Variants in PLD5 observed in about 807,000 individuals in gnomAD.
PLD5 encodes inactive phospholipase D5.
Under a neutral mutation model 61.1 loss-of-function variants are expected in PLD5, and 36 were observed. That is an observed-to-expected ratio of 0.59 (90% CI 0.45 to 0.78). PLD5 has a LOEUF of 0.78. PLD5 is among the 30% of genes least tolerant of loss of function. The probability of loss-of-function intolerance (pLI) is 0.00; values close to 1 mark genes in which losing one functional copy is unlikely to be tolerated. For missense variants in PLD5, 515 were observed against 644.4 expected (o/e 0.80, Z 2.17); for synonymous variants, 243 against 242.8 (o/e 1.00, Z -0.01).
At chr1:242,212,592 C>CA (rs1283658588) in intron 5 of PLD5, among the ~76,000 whole-genome samples, 2 of 152,110 alleles carry the variant, frequency 1.3e-5, no homozygotes, top group Admixed American at 1.3e-4. Flanking sequence ...GTTTGTGCAG[C>CA]AGGCAGCAGC....
intron 5 of PLD5, among the ~76,000 whole-genome samples, chr1:242,207,830 A>T (rs1237836143): frequency 1.6e-5 from 1 of 60,848 alleles, no homozygotes; most frequent in Non-Finnish European, 2.8e-5. Context: ...ATATTTATAT[A>T]TATTTATATA....
intron 3 of PLD5, among the ~76,000 whole-genome samples, chr1:242,274,705 G>C (rs1674314843): frequency 1.3e-5 from 2 of 151,908 alleles, no homozygotes. Flanking sequence ...AGTGAGCTGA[G>C]ATCGCGCCAC....
At chr1:242,288,655 T>C in intron 2 of PLD5, 125 bp from the exon 3 acceptor site, 1 of 1,422,902 alleles carries the variant, frequency 7.0e-7, no homozygotes, top group Non-Finnish European at 9.2e-7. Flanking sequence ...CATTCTCTCC[T>C]CATAATTTAC....
chr1:242,287,115 T>C (rs1454709490), intron 3 of PLD5, among the ~76,000 whole-genome samples: 3 of 152,216 alleles, frequency 2.0e-5, no homozygotes, highest in East Asian at 1.9e-4. Flanking sequence ...CCAACCACCA[T>C]GTAAAGAGCT....
intron 1 of PLD5, among the ~76,000 whole-genome samples, chr1:242,512,139 C>G (rs147059939): frequency 2.0e-5 from 3 of 151,474 alleles, no homozygotes; most frequent in East Asian, 1.9e-4. Flanking sequence ...TGGTTGGGTG[C>G]GGTGGTTCAC....
intron 2 of PLD5, among the ~76,000 whole-genome samples, chr1:242,289,258 T>TC (rs1340685622): frequency 1.3e-5 from 2 of 152,248 alleles, no homozygotes; most frequent in East Asian, 1.9e-4. Flanking sequence ...TGCCTTTTTT[T>TC]CACTTCTGAA....
At chr1:242,440,174 A>T (rs569387857) in intron 1 of PLD5, among the ~76,000 whole-genome samples, 35 of 152,302 alleles carry the variant, frequency 2.3e-4, no homozygotes, top group Middle Eastern at 6.8e-3. Flanking sequence ...ACTTGAAACA[A>T]TCCTTAATAA....
intron 1 of PLD5, among the ~76,000 whole-genome samples, chr1:242,418,613 G>C (rs1225452493): frequency 2.0e-5 from 3 of 152,150 alleles, no homozygotes; most frequent in Non-Finnish European, 4.4e-5. Context: ...AGTGCTTCTG[G>C]GAAGAGGGGC....
chr1:242,207,906 A>ATATATATTTT lies in PLD5; in HGVS notation c.735+12081_735+12082insAAAATATATA, dbSNP rs1558344505. Among the ~76,000 whole-genome samples the ATATATATTTT allele has an allele frequency of 4.8e-4, 9 of 18,668 alleles. 1 individual carries two copies. The highest frequency in any genetic ancestry group is 7.1e-4 in the Non-Finnish European group (9 of 12,628). The allele number at this position is 18,668 out of a possible 152,430, so 12.2% of individuals were successfully genotyped here. ...TATATTTATATATATTTATATATTT[A>ATATATATTTT]TATATATTTATATATTTATATATAT... On this transcript the variant is annotated intron_variant, in intron 5 of 9. Coordinates refer to ENST00000536534, the MANE Select transcript of PLD5 (RefSeq NM_001372062.1).
At chr1:242,226,470 A>T (rs1210796423) in intron 4 of PLD5, among the ~76,000 whole-genome samples, 1 of 152,268 alleles carries the variant, frequency 6.6e-6, no homozygotes, top group Non-Finnish European at 1.5e-5. Flanking sequence ...CCAAAAAGTG[A>T]TAAATCAAGA....
Position 242,494,311 on chromosome 1 carries a change from G to A in PLD5, c.189+29777C>T, listed in dbSNP as rs368191635. 3.2e-4 allele frequency among the ~76,000 whole-genome samples: 49 copies of A among 152,174 alleles called. No individual in the cohort carries two copies. In the East Asian group the frequency reaches 6.4e-3, roughly 20 times the overall value. On this transcript the variant is annotated intron_variant, in intron 1 of 9. Coordinates refer to ENST00000536534, the MANE Select transcript of PLD5 (RefSeq NM_001372062.1). ...ACCAGGCACACTTAGGCATGTGGCA[G>A]CCCCCATTTAAATGCTCCACAGAGC... is the stretch of plus-strand genomic sequence containing the variant.
intron 5 of PLD5, among the ~76,000 whole-genome samples, chr1:242,199,865 A>G (rs1315956524): frequency 6.6e-6 from 1 of 152,140 alleles, no homozygotes; most frequent in African/African-American, 2.4e-5. Context: ...TTTTTCACAG[A>G]TGAATAGTAT....
chr1:242,408,182 G>A (rs954810784), intron 1 of PLD5, among the ~76,000 whole-genome samples: 1 of 152,192 alleles, frequency 6.6e-6, no homozygotes, highest in Non-Finnish European at 1.5e-5. Context: ...GGAATAATGT[G>A]CCTTGATGAA....
intron 1 of PLD5, among the ~76,000 whole-genome samples, chr1:242,442,768 T>C (rs1666336574): frequency 6.6e-6 from 1 of 152,172 alleles, no homozygotes; most frequent in Admixed American, 6.5e-5. Context: ...CCTAAACTAG[T>C]AAAGTCAATT....
chr1:242,525,801 A>T (rs979642759), upstream of PLD5, among the ~76,000 whole-genome samples: 5 of 152,176 alleles, frequency 3.3e-5, no homozygotes, highest in African/African-American at 1.2e-4. Context: ...GAGGACAGGG[A>T]TTGTGTTTCA....
intron 8 of PLD5, among the ~76,000 whole-genome samples, chr1:242,103,722 T>G (rs994301688): frequency 2.0e-5 from 3 of 152,222 alleles, no homozygotes; most frequent in Non-Finnish European, 4.4e-5. Flanking sequence ...TTCATTTATT[T>G]GAAAATCTGG....
intron 5 of PLD5, among the ~76,000 whole-genome samples, chr1:242,154,418 G>A (rs1665182507): frequency 6.6e-6 from 1 of 152,082 alleles, no homozygotes; most frequent in Non-Finnish European, 1.5e-5. Flanking sequence ...CTTGTATTAT[G>A]CCAGTTTTCA....
intron 5 of PLD5, among the ~76,000 whole-genome samples, chr1:242,215,043 AT>A (rs34759131): frequency 0.56 from 66,931 of 120,438 alleles, 17,944 homozygotes; most frequent in Admixed American, 0.65. Context: ...TGCCTGGCCA[AT>A]TTTTTTTTTT....
At chr1:242,219,721 C>T (rs543886133) in intron 5 of PLD5, among the ~76,000 whole-genome samples, 13 of 152,224 alleles carry the variant, frequency 8.5e-5, no homozygotes, top group African/African-American at 3.1e-4. Context: ...ATGTCAATTA[C>T]ATAGCAACCT....
Sources: allele counts gnomAD v4.1 joint callset (sites outside exome capture counted in the v4.1 genomes callset), GRCh38; gene constraint gnomAD v4.1.1; transcripts MANE v1.5; gene names NCBI Gene and HGNC (gene_info 2026-07-23, HGNC 2026-07-21).